The following ADAMTSL1 variants were observed in gnomAD, a reference collection of about 807,000 sequenced individuals.
The protein encoded by ADAMTSL1 is ADAMTS like 1.
In ADAMTSL1, 126 loss-of-function variants were observed where a neutral mutation model predicts 201.8. That is an observed-to-expected ratio of 0.62 (90% confidence interval 0.54 to 0.72). The LOEUF is 0.72. ADAMTSL1 is among the 30% of genes least tolerant of loss of function. The pLI, the probability that ADAMTSL1 is intolerant of heterozygous loss-of-function variation, is 0.00. For missense variants in ADAMTSL1, 2,679 were observed against 2,277.8 expected (o/e 1.18, Z -3.59); for synonymous variants, 1,121 against 903.4 (o/e 1.24, Z -4.32).
At chr9:18,244,333 A>G (rs1831178871) in intron 2 of ADAMTSL1, among the ~76,000 whole-genome samples, 1 of 152,086 alleles carries the variant, frequency 6.6e-6, no homozygotes, top group Non-Finnish European at 1.5e-5. Context: ...ATAAAACATT[A>G]TAGATTATTC....
chr9:18,889,704 T>C lies in ADAMTSL1; in HGVS notation c.4599T>C (p.Pro1533=). The C allele has an allele frequency of 4.4e-6, 7 of 1,575,420 alleles. No homozygotes were observed. Among genetic ancestry groups the C allele is most frequent in the Non-Finnish European group, 6.0e-6 (7 of 1,159,976 alleles). Residue 1533 remains proline, a synonymous_variant, in exon 25 of 29, where the codon CCT becomes CCC. Coordinates refer to ENST00000380548, the MANE Select transcript of ADAMTSL1 (RefSeq NM_001040272.6). ...CCCACTGCGCAGGGAAGGTTCGCCCTGCGGTGCAGCCCATCGCGTGCAACC... is the reference window on the plus strand; with the variant it reads ...CCCACTGCGCAGGGAAGGTTCGCCCCGCGGTGCAGCCCATCGCGTGCAACC... ...NPAHCAGKVR[P]AVQPIACNRR...
intron 2 of ADAMTSL1, among the ~76,000 whole-genome samples, chr9:18,337,571 A>G (rs939145507): frequency 1.3e-5 from 2 of 152,188 alleles, no homozygotes; most frequent in South Asian, 2.1e-4. Flanking sequence ...GTGAAATTAT[A>G]TAGTTAACCC....
chr9:18,671,840 A>G (rs1432514132), intron 9 of ADAMTSL1, among the ~76,000 whole-genome samples: 3 of 152,150 alleles, frequency 2.0e-5, no homozygotes, highest in African/African-American at 7.2e-5. Flanking sequence ...GATCGAGACC[A>G]TCCTGGCTAA....
chr9:18,704,232 C>T (rs981132308), intron 13 of ADAMTSL1, among the ~76,000 whole-genome samples: 12 of 152,166 alleles, frequency 7.9e-5, no homozygotes, highest in African/African-American at 2.7e-4. Context: ...TCCACAATGG[C>T]AGAGTTGAGT....
chr9:18,163,034 G>T (rs1587195857), intron 1 of ADAMTSL1, among the ~76,000 whole-genome samples: 1 of 152,146 alleles, frequency 6.6e-6, no homozygotes, highest in East Asian at 1.9e-4. Flanking sequence ...TAGAGAGGCA[G>T]GAGGAGGCCT....
intron 23 of ADAMTSL1, among the ~76,000 whole-genome samples, chr9:18,838,630 C>A (rs1588202693): frequency 6.6e-6 from 1 of 152,002 alleles, no homozygotes; most frequent in Non-Finnish European, 1.5e-5. Context: ...CATTTAAGAC[C>A]AGCCTGGGCA....
rs371054227 is a variant in ADAMTSL1, at chr9:18,906,868, G to C, written c.5138G>C (p.Arg1713Pro). Residue 1713 changes from arginine to proline, a missense_variant, in exon 28 of 29, where the codon CGG becomes CCG. Arg to Pro is a moderately radical substitution (Grantham distance 103). Transcript: ENST00000380548. ...VPEHLCSWGPRPANWQRCNIT... is the reference protein window; with the variant it reads ...VPEHLCSWGPPPANWQRCNIT... Reference sequence around the variant, plus strand: ...GAGCACCTGTGCTCCTGGGGGCCCCGGCCTGCCAACTGGCAGCGCTGCAAC... The same window carrying C: ...GAGCACCTGTGCTCCTGGGGGCCCCCGCCTGCCAACTGGCAGCGCTGCAAC... The C allele has an allele frequency of 1.9e-6, 3 of 1,613,950 alleles. No individual in the cohort carries two copies. The highest frequency in any genetic ancestry group is 2.5e-6 in the Non-Finnish European group (3 of 1,179,860).
At chr9:18,395,820 G>C (rs1817731395) in intron 2 of ADAMTSL1, among the ~76,000 whole-genome samples, 1 of 152,158 alleles carries the variant, frequency 6.6e-6, no homozygotes, top group Admixed American at 6.6e-5. Context: ...GATGTCTGCT[G>C]GATGAGCACC....
intron 1 of ADAMTSL1, among the ~76,000 whole-genome samples, chr9:18,475,764 G>A (rs984413812): frequency 6.6e-6 from 1 of 151,940 alleles, no homozygotes; most frequent in Admixed American, 6.6e-5. Context: ...TTTTTTAAGT[G>A]TGTGTTATTT....
chr9:18,286,342 T>A (rs1311385287), intron 2 of ADAMTSL1, among the ~76,000 whole-genome samples: 1 of 152,186 alleles, frequency 6.6e-6, no homozygotes, highest in East Asian at 1.9e-4. Context: ...TGAATATGTA[T>A]TAACTTATTT....
At chr9:18,609,388 G>A (rs1332027319) in intron 4 of ADAMTSL1, among the ~76,000 whole-genome samples, 1 of 117,212 alleles carries the variant, frequency 8.5e-6, no homozygotes, top group Non-Finnish European at 1.9e-5. Context: ...AGCCAACCAT[G>A]CTTGCTGGTA....
chr9:18,057,262 C>G (rs543217411), intron 1 of ADAMTSL1, among the ~76,000 whole-genome samples: 19 of 152,290 alleles, frequency 1.2e-4, no homozygotes, highest in African/African-American at 4.6e-4. Flanking sequence ...AATATTGAGT[C>G]AGACGATTTT....
intron 1 of ADAMTSL1, among the ~76,000 whole-genome samples, chr9:17,917,208 A>C (rs1389480842): frequency 6.6e-6 from 1 of 152,148 alleles, no homozygotes; most frequent in Admixed American, 6.5e-5. Flanking sequence ...GTGCAAATAA[A>C]GAGAGTTCTT....
chr9:18,747,909 A>C (rs1819239093), intron 15 of ADAMTSL1, among the ~76,000 whole-genome samples: 1 of 152,186 alleles, frequency 6.6e-6, no homozygotes, highest in Non-Finnish European at 1.5e-5. Context: ...TGAAAGCTTA[A>C]AATCCAGTTA....
rs187225362 is a variant in ADAMTSL1, at chr9:18,241,855, A to G, written c.207+77874A>G. ...GAAATCCTGAACAGATCAATAACATATAAAGAAATTGAAAAAGCAACAAAA... is the reference window on the plus strand; with the variant it reads ...GAAATCCTGAACAGATCAATAACATGTAAAGAAATTGAAAAAGCAACAAAA... On this transcript the variant is annotated intron_variant, in intron 2 of 29. Transcript: ENST00000680146. 2.2e-4 allele frequency among the ~76,000 whole-genome samples: 33 copies of G among 152,226 alleles called. No homozygotes were observed. The East Asian group carries it at 6.0e-3, about 28-fold the overall frequency.
chr9:18,423,523 C>T (rs1038034164), intron 2 of ADAMTSL1, among the ~76,000 whole-genome samples: 5 of 152,170 alleles, frequency 3.3e-5, no homozygotes, highest in African/African-American at 9.7e-5. Flanking sequence ...ATTCAACAAA[C>T]CTTTCATGAG....
intron 1 of ADAMTSL1, among the ~76,000 whole-genome samples, chr9:18,052,263 A>G (rs1401342130): frequency 6.6e-6 from 1 of 152,228 alleles, no homozygotes; most frequent in African/African-American, 2.4e-5. Flanking sequence ...ACATCACACA[A>G]ATAAATACAT....
chr9:18,621,173 C>T (rs1048631673), intron 4 of ADAMTSL1, among the ~76,000 whole-genome samples: 1 of 152,056 alleles, frequency 6.6e-6, no homozygotes, highest in Non-Finnish European at 1.5e-5. Flanking sequence ...TAAATCTTTC[C>T]ATATTTGATC....
chr9:18,495,827 T>G (rs947802485), intron 1 of ADAMTSL1, among the ~76,000 whole-genome samples: 2 of 152,188 alleles, frequency 1.3e-5, no homozygotes, highest in African/African-American at 2.4e-5. Context: ...TTGAAATTAC[T>G]TGGCAATTTT....
Sources: allele counts gnomAD v4.1 joint callset (sites outside exome capture counted in the v4.1 genomes callset), GRCh38; gene constraint gnomAD v4.1.1; transcripts MANE v1.5; gene names NCBI Gene and HGNC (gene_info 2026-07-23, HGNC 2026-07-21).